FOCAD: variants seen among roughly 807,000 people sequenced by gnomAD.
FOCAD encodes the protein KIAA1797.
FOCAD carries 198 observed loss-of-function variants against 225.6 expected under a neutral mutation model. That is an observed-to-expected ratio of 0.88 (90% confidence interval 0.78 to 0.99). FOCAD has a LOEUF of 0.99. Ranked by LOEUF, FOCAD falls within the 50% of genes least tolerant of loss-of-function variation. The probability of loss-of-function intolerance (pLI) is 0.00; values close to 1 mark genes in which losing one functional copy is unlikely to be tolerated. For missense variants in FOCAD, 2,713 were observed against 2,123.6 expected (o/e 1.28, Z -5.46); for synonymous variants, 897 against 755.0 (o/e 1.19, Z -3.08).
chr9:20,752,124 T>C (rs1587015677), intron 5 of FOCAD, among the ~76,000 whole-genome samples: 1 of 149,002 alleles, frequency 6.7e-6, no homozygotes, highest in Non-Finnish European at 1.5e-5. Context: ...TTCACTCTGA[T>C]GGTAGTTTCT....
At chr9:20,781,058 C>T (rs138413004) in intron 9 of FOCAD, among the ~76,000 whole-genome samples, 3 of 152,264 alleles carry the variant, frequency 2.0e-5, no homozygotes, top group African/African-American at 4.8e-5. Context: ...GGGTTAATTA[C>T]ATCACTTTGA....
intron 20 of FOCAD, among the ~76,000 whole-genome samples, 192 bp from the exon 21 acceptor site, chr9:20,884,917 G>A (rs1830981390): frequency 6.6e-6 from 1 of 151,958 alleles, no homozygotes; most frequent in African/African-American, 2.4e-5. Context: ...AAATTAGCCG[G>A]GCATGGTGGC....
chr9:20,928,781 C>G (rs527796835), intron 26 of FOCAD, among the ~76,000 whole-genome samples: 2 of 152,056 alleles, frequency 1.3e-5, no homozygotes, highest in African/African-American at 4.8e-5. Flanking sequence ...AGGAATTAAC[C>G]CCCTGTAGGA....
chr9:20,711,114 A>G (rs1454835269), intron 1 of FOCAD, among the ~76,000 whole-genome samples: 1 of 152,268 alleles, frequency 6.6e-6, no homozygotes, highest in Non-Finnish European at 1.5e-5. Context: ...AACACTGAAT[A>G]TAAAGCAATA....
intron 35 of FOCAD, 26 bp downstream of exon 35, chr9:20,953,091 T>G: frequency 6.5e-7 from 1 of 1,547,246 alleles, no homozygotes; most frequent in Non-Finnish European, 8.9e-7. Context: ...TCTTGAATTT[T>G]ATCATTCTAT....
chr9:20,742,629 T>C (rs1827727230), intron 5 of FOCAD, among the ~76,000 whole-genome samples: 5 of 152,222 alleles, frequency 3.3e-5, no homozygotes, highest in Admixed American at 2.0e-4. Context: ...GTTTAGATGA[T>C]GGTAAAAAGA....
intron 10 of FOCAD, among the ~76,000 whole-genome samples, chr9:20,788,405 T>A (rs1820165415): frequency 6.6e-6 from 1 of 152,194 alleles, no homozygotes; most frequent in South Asian, 2.1e-4. Flanking sequence ...GCTCTAGGAA[T>A]GAATTACTAA....
intron 4 of FOCAD, among the ~76,000 whole-genome samples, chr9:20,739,922 G>C (rs146021075): frequency 2.0e-5 from 3 of 152,036 alleles, no homozygotes; most frequent in Admixed American, 6.6e-5. Flanking sequence ...TGGTCATTCG[G>C]TGTGGGCAAC....
intron 2 of FOCAD, among the ~76,000 whole-genome samples, chr9:20,662,473 AAGGGCAATATTAGCCTC>A (rs1396862545): frequency 6.6e-6 from 1 of 152,180 alleles, no homozygotes; most frequent in Non-Finnish European, 1.5e-5. Context: ...GACAACTCCG[AAGGGCAATATTAGCCTC>A]CTAAGCTCCC....
At chr9:20,980,306 G>C (rs1194775900) in intron 37 of FOCAD, among the ~76,000 whole-genome samples, 1 of 152,114 alleles carries the variant, frequency 6.6e-6, no homozygotes, top group Non-Finnish European at 1.5e-5. Context: ...GCTAATAAAA[G>C]AGAGAGCTCT....
At chr9:20,950,862 A>G in intron 33 of FOCAD, 134 bp from the exon 34 acceptor site, 3 of 696,408 alleles carry the variant, frequency 4.3e-6, no homozygotes, top group South Asian at 1.7e-5. Context: ...ATGATATTAC[A>G]TCTTGTCATA....
intron 20 of FOCAD, among the ~76,000 whole-genome samples, chr9:20,882,523 G>C (rs1830763423): frequency 6.6e-6 from 1 of 152,188 alleles, no homozygotes. Context: ...CGAGCTAGGA[G>C]AATGGGCTTG....
At position 20,919,359 on chromosome 9, in the gene FOCAD, G is replaced by T. The variant is rs542353943; in HGVS notation, c.2852+2422G>T. 2.0e-5 allele frequency among the ~76,000 whole-genome samples: 3 copies of T among 152,278 alleles called. No homozygotes were observed. The East Asian group carries it at 5.8e-4, about 29-fold the overall frequency. ...AACATTCCATGTTCCTGGGTAGGAA[G>T]AATCAATATCGTGAAAATGGCCATA... is the stretch of plus-strand genomic sequence containing the variant. On this transcript the variant is annotated intron_variant, in intron 24 of 43. Coordinates refer to ENST00000338382, the MANE Select transcript of FOCAD (RefSeq NM_001375567.1).
intron 24 of FOCAD, 31 bp from the exon 25 acceptor site, chr9:20,923,629 T>C: frequency 1.3e-6 from 2 of 1,569,854 alleles, no homozygotes; most frequent in Non-Finnish European, 1.8e-6. Context: ...ATACCAAAGT[T>C]CTCTGTTGAA....
chr9:20,860,777 C>T (rs1333001444), intron 15 of FOCAD, among the ~76,000 whole-genome samples: 1 of 152,226 alleles, frequency 6.6e-6, no homozygotes, highest in African/African-American at 2.4e-5. Flanking sequence ...TCCCAAAGTG[C>T]TGGGATTACA....
chr9:20,774,100 C>G (rs1176366538), intron 8 of FOCAD, among the ~76,000 whole-genome samples: 1 of 152,132 alleles, frequency 6.6e-6, no homozygotes, highest in African/African-American at 2.4e-5. Flanking sequence ...CTAAATAATG[C>G]CTGATGATCT....
rs191341460 is a variant in FOCAD, at chr9:20,922,422, G to A, written c.2853-1238G>A. Among the ~76,000 whole-genome samples the A allele has an allele frequency of 4.6e-5, 7 of 152,316 alleles. No individual in the cohort carries two copies. In the East Asian group the frequency reaches 1.2e-3, roughly 25 times the overall value. ...CACTCTAAAGTGGAAGGGAGAGGGG[G>A]AAGGAAGGATGGGCGAATAGATAGG... is the stretch of plus-strand genomic sequence containing the variant. On this transcript the variant is annotated intron_variant, in intron 24 of 43. Coordinates refer to ENST00000338382, the MANE Select transcript of FOCAD (RefSeq NM_001375567.1).
intron 16 of FOCAD, among the ~76,000 whole-genome samples, chr9:20,864,150 A>G (rs1011170466): frequency 5.9e-5 from 9 of 152,060 alleles, no homozygotes; most frequent in Non-Finnish European, 1.3e-4. Flanking sequence ...TCCCACTTTC[A>G]TCTGTGTGTG....
In FOCAD at chr9:20,949,678, G is replaced by T. The variant is rs1259784224; in HGVS notation, c.3948+3G>T. 6.2e-7 allele frequency: 1 copy of T among 1,610,452 alleles called. No individual in the cohort carries two copies. The highest frequency in any genetic ancestry group is 8.5e-7 in the Non-Finnish European group (1 of 1,177,150). On this transcript the variant is annotated splice_donor_region_variant and intron_variant, in intron 33 of 43. Transcript: ENST00000338382. ...AAGTCATTAGAACCTTAACTCAGGTGAGAAAATGAATTTAAAATCCTTGGG... is the reference window on the plus strand; with the variant it reads ...AAGTCATTAGAACCTTAACTCAGGTTAGAAAATGAATTTAAAATCCTTGGG...
Sources: gnomAD v4.1 joint callset for allele counts (sites outside exome capture counted in the v4.1 genomes callset) on GRCh38, gnomAD v4.1.1 for gene constraint, MANE v1.5 for transcripts, NCBI Gene and HGNC (gene_info 2026-07-23, HGNC 2026-07-21) for gene names.